RBPJ: variants seen among roughly 807,000 people sequenced by gnomAD.
The protein encoded by RBPJ is recombining binding protein suppressor of hairless.
In RBPJ, 9 loss-of-function variants were observed where a neutral mutation model predicts 67.8. The ratio of observed to expected loss-of-function variants is 0.13; its 90% CI spans 0.08 to 0.23. The LOEUF (loss-of-function observed/expected upper bound fraction) is 0.23. Among genes scored for constraint, RBPJ ranks in the 10% least tolerant of loss-of-function variants. The pLI, the probability that RBPJ is intolerant of heterozygous loss-of-function variation, is 1.00. For missense variants in RBPJ, 305 were observed against 595.6 expected, an observed-to-expected ratio of 0.51 and a Z score of 5.08; for synonymous variants, 198 against 203.3, an observed-to-expected ratio of 0.97 and a Z score of 0.22.
At chr4:26,404,351 G>T (rs1488538669) in intron 2 of RBPJ, among the ~76,000 whole-genome samples, 1 of 151,948 alleles carries the variant, frequency 6.6e-6, no homozygotes, top group Non-Finnish European at 1.5e-5. Flanking sequence ...TCCATTGATG[G>T]TTTCTTTTGC....
At chr4:26,198,547 C>G (rs776228885) in intron 1 of RBPJ, among the ~76,000 whole-genome samples, 1 of 152,214 alleles carries the variant, frequency 6.6e-6, no homozygotes, top group Non-Finnish European at 1.5e-5. Context: ...TAGCATTTAT[C>G]TTGTGCCAGA....
At chr4:26,165,196 T>C (rs1716223205) in intron 1 of RBPJ, among the ~76,000 whole-genome samples, 1 of 152,210 alleles carries the variant, frequency 6.6e-6, no homozygotes, top group Non-Finnish European at 1.5e-5. Flanking sequence ...ATATGATAAA[T>C]AGTACAGAAA....
At chr4:26,292,045 G>A (rs559107169) in intron 1 of RBPJ, among the ~76,000 whole-genome samples, 8 of 150,522 alleles carry the variant, frequency 5.3e-5, no homozygotes, top group East Asian at 2.0e-4. Context: ...CATCCCTCAC[G>A]TCACACTTTT....
chr4:26,234,163 A>T (rs905712791), intron 1 of RBPJ, among the ~76,000 whole-genome samples: 1 of 152,246 alleles, frequency 6.6e-6, no homozygotes, highest in African/African-American at 2.4e-5. Context: ...GTACAGCTAG[A>T]TGTTGGTTTG....
At chr4:26,114,049 A>T in the RBPJ span, among the ~76,000 whole-genome samples, 1 of 152,234 alleles carries the variant, frequency 6.6e-6, no homozygotes, top group Admixed American at 6.5e-5. Flanking sequence ...TATGTTGTTT[A>T]GTGTCGTATT....
chr4:26,290,423 A>G (rs1003417201), intron 1 of RBPJ, among the ~76,000 whole-genome samples: 6 of 150,454 alleles, frequency 4.0e-5, no homozygotes, highest in African/African-American at 1.2e-4. Flanking sequence ...TGAGATGCCA[A>G]TATGCATTCT....
At chr4:26,323,638 A>G (rs1188994941) in intron 1 of RBPJ, among the ~76,000 whole-genome samples, 1 of 152,216 alleles carries the variant, frequency 6.6e-6, no homozygotes, top group Non-Finnish European at 1.5e-5. Context: ...GTACTAATAC[A>G]CACTTGTAGG....
chr4:26,356,726 T>C (rs1457611078), intron 1 of RBPJ, among the ~76,000 whole-genome samples: 2 of 152,246 alleles, frequency 1.3e-5, no homozygotes, highest in African/African-American at 4.8e-5. Context: ...GGTGCCCAAC[T>C]AGATGTTTTT....
intron 1 of RBPJ, among the ~76,000 whole-genome samples, chr4:26,279,785 CTTTTTTTTT>C (rs1026614295): frequency 1.7e-5 from 2 of 116,694 alleles, no homozygotes; most frequent in African/African-American, 3.2e-5. Context: ...TTGAAATTGT[CTTTTTTTTT>C]TTTTTTTTTT....
chr4:26,362,563 A>G, intron 1 of RBPJ: 2 of 1,612,006 alleles, frequency 1.2e-6, no homozygotes, highest in Middle Eastern at 1.7e-4. Flanking sequence ...TTTGAGGTGC[A>G]TCGAAGTGTT....
At chr4:26,363,915 T>C (rs1728339864) in intron 1 of RBPJ, among the ~76,000 whole-genome samples, 1 of 152,234 alleles carries the variant, frequency 6.6e-6, no homozygotes, top group Non-Finnish European at 1.5e-5. Context: ...TTTATTTTTA[T>C]AAAATTTTGA....
intron 1 of RBPJ, among the ~76,000 whole-genome samples, chr4:26,343,742 T>C (rs1297883752): frequency 2.0e-4 from 25 of 125,860 alleles, no homozygotes; most frequent in East Asian, 1.2e-3. Flanking sequence ...CTTTCTTCTT[T>C]TTTTTTTTTT....
the RBPJ span, among the ~76,000 whole-genome samples, chr4:26,153,664 C>G: frequency 6.6e-6 from 1 of 152,146 alleles, no homozygotes; most frequent in African/African-American, 2.4e-5. Flanking sequence ...ATTTCTTGTT[C>G]TGTTATGAAG....
chr4:26,400,276 G>T (rs891441423), intron 2 of RBPJ, among the ~76,000 whole-genome samples: 1 of 151,976 alleles, frequency 6.6e-6, no homozygotes, highest in Non-Finnish European at 1.5e-5. Context: ...TTGACATTTG[G>T]CACCATCTGG....
At chr4:26,165,809 G>A (rs1716262202) in intron 1 of RBPJ, among the ~76,000 whole-genome samples, 1 of 150,662 alleles carries the variant, frequency 6.6e-6, no homozygotes, top group South Asian at 2.1e-4. Context: ...CTGGTGTGCT[G>A]CACCCATTAA....
Position 26,430,427 on chromosome 4 carries a change from C to T in RBPJ, c.1053C>T (p.Gly351=), listed in dbSNP as rs1736100577. Residue 351 remains glycine (G), a synonymous_variant, in exon 10 of 11, where the codon GGC becomes GGT. Transcript: ENST00000355476. This position sits in a 1 kb window ranked among gnomAD's most constrained non-coding sequence, Gnocchi z 4.1. ...TTTTCTGTGAATTGCAGTTGAATGG[C>T]GGTGGGGACGTAGCAATGCTTGAAC... The part of the protein sequence containing the change: ...VPVVESLQLN[G]GGDVAMLELT... 1.9e-6 allele frequency: 3 copies of T among 1,611,626 alleles called. No individual in the cohort carries two copies. The highest frequency in any genetic ancestry group is 2.5e-6 in the Non-Finnish European group (3 of 1,178,728).
At chr4:26,112,567 T>TTTTA in the RBPJ span, 11 of 148,408 alleles carry the variant, frequency 7.4e-5, no homozygotes, top group Non-Finnish European at 1.5e-4. Context: ...TTTTTTTTTT[T>TTTTA]ACAAATAAGA....
At chr4:26,179,984 G>A (rs1438003320) in intron 1 of RBPJ, among the ~76,000 whole-genome samples, 2 of 152,134 alleles carry the variant, frequency 1.3e-5, no homozygotes, top group Non-Finnish European at 2.9e-5. Flanking sequence ...CAGGAAATAC[G>A]ATGCAGCCAT....
chr4:26,144,965 T>C, the RBPJ span, among the ~76,000 whole-genome samples: 2 of 152,158 alleles, frequency 1.3e-5, no homozygotes, highest in African/African-American at 4.8e-5. Context: ...TACTGGGTTT[T>C]CAGGCAACTG....
Sources: allele counts gnomAD v4.1 joint callset (sites outside exome capture counted in the v4.1 genomes callset), GRCh38; gene constraint gnomAD v4.1.1; non-coding constraint Gnocchi (gnomAD v3.1); transcripts MANE v1.5; gene names NCBI Gene and HGNC (gene_info 2026-07-23, HGNC 2026-07-21).